FSHR: variants seen among roughly 807,000 people sequenced by gnomAD.
FSHR encodes follicle stimulating hormone receptor, also known as follicle-stimulating hormone receptor.
FSHR carries 46 observed loss-of-function variants against 52.1 expected under a neutral mutation model. The ratio of observed to expected loss-of-function variants is 0.88; its 90% CI spans 0.70 to 1.13. The LOEUF (loss-of-function observed/expected upper bound fraction) is 1.13. Among genes scored for constraint, FSHR ranks in the 50% most tolerant of loss-of-function variants. The pLI is 0.00. For synonymous variants in FSHR, 399 were observed against 309.6 expected (o/e 1.29, Z -3.03); for missense variants, 964 against 834.6 (o/e 1.16, Z -1.91).
intron 8 of FSHR, among the ~76,000 whole-genome samples, chr2:48,969,416 T>C (rs1200785666): frequency 6.6e-6 from 1 of 151,786 alleles, no homozygotes; most frequent in Non-Finnish European, 1.5e-5. Context: ...CAGTACAGAG[T>C]GGTGGTTACG....
At chr2:49,091,628 G>A (rs534317973) in intron 1 of FSHR, among the ~76,000 whole-genome samples, 14 of 152,244 alleles carry the variant, frequency 9.2e-5, no homozygotes, top group African/African-American at 1.7e-4. Flanking sequence ...ATATGCTCCA[G>A]TGCTATTTGT....
intron 1 of FSHR, among the ~76,000 whole-genome samples, chr2:49,141,881 T>A (rs943235231): frequency 6.6e-6 from 1 of 152,198 alleles, no homozygotes; most frequent in Non-Finnish European, 1.5e-5. Context: ...ATATAAGAGA[T>A]GTCAATTTCA....
chr2:49,019,954 A>T, intron 3 of FSHR, 132 bp downstream of exon 3: 1 of 856,940 alleles, frequency 1.2e-6, no homozygotes, highest in Non-Finnish European at 2.0e-6. Flanking sequence ...TTTTAGGCTG[A>T]TTTTGACATC....
intron 1 of FSHR, among the ~76,000 whole-genome samples, chr2:49,086,054 G>A (rs1670377883): frequency 6.6e-6 from 1 of 152,072 alleles, no homozygotes; most frequent in Admixed American, 6.5e-5. Context: ...CATGGCACAT[G>A]TATACATATG....
chr2:49,042,260 C>T lies in FSHR; in HGVS notation c.225-22100G>A, dbSNP rs566536382. On this transcript the variant is annotated intron_variant, in intron 2 of 9. Coordinates refer to ENST00000406846, the MANE Select transcript of FSHR (RefSeq NM_000145.4). ...TTTTTTTCCCCCGAGTGACTTAGTT[C>T]TGGGACATTAAACCTGTGGCTGGTC... is the stretch of plus-strand genomic sequence containing the variant. 2.0e-4 allele frequency among the ~76,000 whole-genome samples: 31 copies of T among 152,200 alleles called. No homozygotes were observed. In the East Asian group the frequency reaches 6.0e-3, roughly 29 times the overall value.
At chr2:48,983,501 G>C (rs115192603) in intron 6 of FSHR, among the ~76,000 whole-genome samples, 2 of 152,184 alleles carry the variant, frequency 1.3e-5, no homozygotes, top group African/African-American at 2.4e-5. Context: ...AATGCGGGGA[G>C]CGACAGATCT....
At chr2:49,013,481 A>AATAAATATATATATAT (rs1298503687) in intron 4 of FSHR, among the ~76,000 whole-genome samples, 13 of 115,028 alleles carry the variant, frequency 1.1e-4, no homozygotes, top group African/African-American at 3.1e-4. Context: ...TATATATATA[A>AATAAATATATATATAT]ATAAATATAT....
intron 1 of FSHR, among the ~76,000 whole-genome samples, chr2:49,105,879 G>C (rs1000545176): frequency 6.6e-6 from 1 of 151,520 alleles, no homozygotes; most frequent in Admixed American, 6.6e-5. Flanking sequence ...ACTCAGACAA[G>C]AGTTTCATGG....
intron 1 of FSHR, among the ~76,000 whole-genome samples, chr2:49,117,279 G>A (rs1442354097): frequency 6.6e-6 from 1 of 152,132 alleles, no homozygotes; most frequent in African/African-American, 2.4e-5. Flanking sequence ...TGCCCTGACT[G>A]CCACACACAT....
chr2:49,036,533 A>C (rs1484003680), intron 2 of FSHR, among the ~76,000 whole-genome samples: 1 of 151,918 alleles, frequency 6.6e-6, no homozygotes, highest in Non-Finnish European at 1.5e-5. Context: ...ATATATAAAT[A>C]CATAGGGCAC....
chr2:49,087,397 T>A (rs781760568), intron 1 of FSHR, among the ~76,000 whole-genome samples: 1 of 151,974 alleles, frequency 6.6e-6, no homozygotes, highest in Non-Finnish European at 1.5e-5. Context: ...GAAGCAGATA[T>A]TGAAAGAGCC....
At chr2:49,151,659 G>A (rs1379007107) in intron 1 of FSHR, among the ~76,000 whole-genome samples, 1 of 152,098 alleles carries the variant, frequency 6.6e-6, no homozygotes, top group Admixed American at 6.6e-5. Context: ...GATGGATTAA[G>A]CAATTGCAGT....
intron 2 of FSHR, among the ~76,000 whole-genome samples, chr2:49,026,372 C>T (rs1181304192): frequency 6.6e-6 from 1 of 152,146 alleles, no homozygotes; most frequent in East Asian, 1.9e-4. Flanking sequence ...GTTTATTAAG[C>T]ACTTACGTGT....
intron 2 of FSHR, among the ~76,000 whole-genome samples, chr2:49,047,166 C>G (rs898831371): frequency 6.6e-6 from 1 of 152,104 alleles, no homozygotes; most frequent in African/African-American, 2.4e-5. Flanking sequence ...TGCAGTAAAC[C>G]ACCACCCTTT....
At chr2:49,151,852 GCT>G (rs1191840579) in intron 1 of FSHR, among the ~76,000 whole-genome samples, 1 of 152,088 alleles carries the variant, frequency 6.6e-6, no homozygotes, top group Non-Finnish European at 1.5e-5. Context: ...AAAGGTAATT[GCT>G]CTCTCATTCT....
At chr2:49,072,760 A>C (rs545814557) in intron 1 of FSHR, among the ~76,000 whole-genome samples, 25 of 152,278 alleles carry the variant, frequency 1.6e-4, no homozygotes, top group Admixed American at 5.2e-4. Flanking sequence ...TTCTACTAGT[A>C]GCAAAAGGTT....
intron 2 of FSHR, among the ~76,000 whole-genome samples, chr2:49,043,713 CTTCTT>C (rs1668560855): frequency 6.6e-6 from 1 of 152,306 alleles, no homozygotes; most frequent in East Asian, 1.9e-4. Flanking sequence ...CATGAAGCAG[CTTCTT>C]TTCTTCTATT....
chr2:49,099,176 A>G (rs1286778369), intron 1 of FSHR, among the ~76,000 whole-genome samples: 1 of 152,012 alleles, frequency 6.6e-6, no homozygotes, highest in African/African-American at 2.4e-5. Context: ...TCTCATCTTG[A>G]ATTGCAGCTC....
chr2:49,098,981 T>C (rs956802358), intron 1 of FSHR, among the ~76,000 whole-genome samples: 2 of 150,890 alleles, frequency 1.3e-5, no homozygotes, highest in African/African-American at 4.9e-5. Context: ...ACATTAGAAC[T>C]AGCAGGACTT....
Sources: gnomAD v4.1 joint callset for allele counts (sites outside exome capture counted in the v4.1 genomes callset) on GRCh38, gnomAD v4.1.1 for gene constraint, MANE v1.5 for transcripts, NCBI Gene and HGNC (gene_info 2026-07-23, HGNC 2026-07-21) for gene names.